DCC: variants seen among roughly 807,000 people sequenced by gnomAD.
DCC encodes DCC netrin 1 receptor.
DCC carries 58 observed loss-of-function variants against 172.5 expected under a neutral mutation model. The ratio of observed to expected loss-of-function variants is 0.34; its 90% confidence interval spans 0.27 to 0.42. The LOEUF is 0.42. DCC is among the 10% of genes least tolerant of loss of function. DCC has a pLI of 1.00. For missense variants in DCC, 1,740 were observed against 1,791.0 expected (o/e 0.97, Z 0.51); for synonymous variants, 709 against 644.5 (o/e 1.10, Z -1.52).
chr18:52,504,081 G>A (rs970782636), intron 1 of DCC, among the ~76,000 whole-genome samples: 1 of 152,066 alleles, frequency 6.6e-6, no homozygotes, highest in Non-Finnish European at 1.5e-5. Flanking sequence ...ATACTAACCA[G>A]GATCTCACTG....
intron 1 of DCC, among the ~76,000 whole-genome samples, chr18:52,401,068 C>T (rs562671039): frequency 7.9e-5 from 12 of 151,910 alleles, no homozygotes; most frequent in Middle Eastern, 3.4e-3. Context: ...CAAACCTGCA[C>T]GTTCTGCACA....
At chr18:52,497,303 A>G (rs1415853529) in intron 1 of DCC, among the ~76,000 whole-genome samples, 5 of 85,928 alleles carry the variant, frequency 5.8e-5, no homozygotes, top group South Asian at 4.0e-4. Flanking sequence ...ATATATATAT[A>G]TATATATATA....
At chr18:53,412,189 A>G (rs780197624) in intron 20 of DCC, among the ~76,000 whole-genome samples, 22 of 152,194 alleles carry the variant, frequency 1.4e-4, no homozygotes, top group Non-Finnish European at 3.1e-4. Context: ...AATTTGTTCT[A>G]TGACATAATG....
At chr18:52,750,110 G>T (rs1398060107) in intron 1 of DCC, among the ~76,000 whole-genome samples, 1 of 152,174 alleles carries the variant, frequency 6.6e-6, no homozygotes, top group Non-Finnish European at 1.5e-5. Context: ...CAAGCTTAGA[G>T]CAGGGTTCAT....
At chr18:52,949,383 CT>C (rs2040599445) in intron 5 of DCC, among the ~76,000 whole-genome samples, 2 of 152,174 alleles carry the variant, frequency 1.3e-5, no homozygotes, top group African/African-American at 4.8e-5. Flanking sequence ...GCTCTTCCTC[CT>C]TCCCCTCCTG....
intron 7 of DCC, among the ~76,000 whole-genome samples, chr18:53,102,653 G>A (rs1456530160): frequency 6.6e-6 from 1 of 152,006 alleles, no homozygotes; most frequent in African/African-American, 2.4e-5. Context: ...TATTTTCCTG[G>A]TTTGTTCAAT....
At chr18:53,216,249 G>T (rs1490985245) in intron 12 of DCC, among the ~76,000 whole-genome samples, 2 of 152,142 alleles carry the variant, frequency 1.3e-5, no homozygotes, top group African/African-American at 4.8e-5. Context: ...TTGGAAATAA[G>T]CCAAGGCCAC....
At chr18:52,903,069 T>G (rs1024874676) in intron 2 of DCC, among the ~76,000 whole-genome samples, 1 of 152,252 alleles carries the variant, frequency 6.6e-6, no homozygotes, top group African/African-American at 2.4e-5. Flanking sequence ...AGATGAAGTT[T>G]ACATAGGAAA....
At chr18:52,896,568 A>T (rs996100468) in intron 2 of DCC, among the ~76,000 whole-genome samples, 2 of 152,246 alleles carry the variant, frequency 1.3e-5, no homozygotes, top group African/African-American at 4.8e-5. Flanking sequence ...TAGAAAGACA[A>T]CACCATGTGA....
chr18:53,022,676 A>G (rs2041898205), intron 5 of DCC, among the ~76,000 whole-genome samples: 1 of 151,920 alleles, frequency 6.6e-6, no homozygotes, highest in Admixed American at 6.6e-5. Context: ...TAGTATGCAG[A>G]TTATTTTTCT....
At chr18:53,361,920 A>G (rs559139579) in intron 15 of DCC, among the ~76,000 whole-genome samples, 2 of 152,304 alleles carry the variant, frequency 1.3e-5, no homozygotes, top group Non-Finnish European at 2.9e-5. Context: ...GGCTTGCACA[A>G]CAATCATTTC....
rs184869206 is a variant in DCC, at chr18:52,558,386, C to A, written c.92-193668C>A. Among the ~76,000 whole-genome samples, 362 of 152,126 alleles carry A rather than the reference C, an allele frequency of 2.4e-3. 4 individuals are homozygous for A. The highest frequency in any genetic ancestry group is 0.016 in the South Asian group (75 of 4,820). ...TTTCTCTACACATATTGTCTAATTG[C>A]TTTACCTACTGTTTTCTATACATAC... is the stretch of plus-strand genomic sequence containing the variant. On this transcript the variant is annotated intron_variant, in intron 1 of 28. Coordinates refer to ENST00000442544, the MANE Select transcript of DCC (RefSeq NM_005215.4).
At chr18:52,544,770 A>G (rs553003024) in intron 1 of DCC, among the ~76,000 whole-genome samples, 1 of 152,340 alleles carries the variant, frequency 6.6e-6, no homozygotes, top group South Asian at 2.1e-4. Context: ...AGATATATCT[A>G]TTCTGTCTTT....
At chr18:53,343,635 A>G (rs1042894347) in intron 15 of DCC, among the ~76,000 whole-genome samples, 8 of 151,914 alleles carry the variant, frequency 5.3e-5, no homozygotes, top group African/African-American at 1.9e-4. Context: ...TAGTGTCTAT[A>G]TACTGTTTCT....
intron 1 of DCC, among the ~76,000 whole-genome samples, chr18:52,578,789 G>A (rs1292090073): frequency 2.6e-5 from 4 of 152,062 alleles, no homozygotes; most frequent in Admixed American, 6.6e-5. Flanking sequence ...TCACGAGGTC[G>A]AGATTGAGAC....
At chr18:53,328,793 T>A (rs2057497582) in intron 14 of DCC, among the ~76,000 whole-genome samples, 1 of 152,108 alleles carries the variant, frequency 6.6e-6, no homozygotes, top group Admixed American at 6.6e-5. Context: ...CCTCTTGAAC[T>A]CCTGACCTCA....
chr18:53,380,335 A>G (rs954844295), intron 15 of DCC, among the ~76,000 whole-genome samples: 1 of 152,214 alleles, frequency 6.6e-6, no homozygotes, highest in Non-Finnish European at 1.5e-5. Flanking sequence ...CTTGCTCCCA[A>G]TTCACACTTA....
At chr18:52,937,116 A>G (rs1450347262) in intron 5 of DCC, among the ~76,000 whole-genome samples, 1 of 152,096 alleles carries the variant, frequency 6.6e-6, no homozygotes, top group African/African-American at 2.4e-5. Context: ...CCAGTGACAC[A>G]ATTTCACATT....
At chr18:52,638,066 T>C (rs2034816337) in intron 1 of DCC, among the ~76,000 whole-genome samples, 1 of 152,128 alleles carries the variant, frequency 6.6e-6, no homozygotes. Context: ...ACAATGAAAC[T>C]AAGCATCATA....
Sources: allele counts gnomAD v4.1 joint callset (sites outside exome capture counted in the v4.1 genomes callset), GRCh38; gene constraint gnomAD v4.1.1; transcripts MANE v1.5; gene names NCBI Gene and HGNC (gene_info 2026-07-23, HGNC 2026-07-21).